Variants in MAML1 observed in about 807,000 individuals in gnomAD.
MAML1 encodes the protein mastermind like transcriptional coactivator 1.
A neutral mutation model predicts 77.1 loss-of-function variants in MAML1; 14 were observed. That is an observed-to-expected ratio of 0.18 (90% CI 0.12 to 0.28). MAML1 has a LOEUF of 0.28. Among genes scored for constraint, MAML1 ranks in the 10% least tolerant of loss-of-function variants. The probability of loss-of-function intolerance (pLI) is 1.00; values close to 1 mark genes in which losing one functional copy is unlikely to be tolerated. For missense variants in MAML1, 1,217 were observed against 1,327.8 expected (o/e 0.92, Z 1.30); for synonymous variants, 516 against 551.9 (o/e 0.93, Z 0.91).
rs1379016967 is a variant in MAML1 at position 179,776,001 on chromosome 5, G to C, written c.*1124G>C. 1.0e-6 allele frequency: 1 copy of C among 985,788 alleles called. No individual in the cohort carries two copies. Among genetic ancestry groups the C allele is most frequent in the Non-Finnish European group, 1.2e-6 (1 of 829,936 alleles). The allele number at this position is 985,788 out of a possible 1,614,324, so 61.1% of individuals were successfully genotyped here. On this transcript the variant is annotated 3_prime_UTR_variant, in exon 5 of 5. Transcript: ENST00000292599. ...CTGCCACTCCCATGTCAGATGACTT[G>C]CACTTCTTAAAGAGATTGCTTTATA...
At chr5:179,749,689 A>G (rs1027033240) in intron 1 of MAML1, among the ~76,000 whole-genome samples, 1 of 152,250 alleles carries the variant, frequency 6.6e-6, no homozygotes, top group Non-Finnish European at 1.5e-5. Flanking sequence ...AGCCCAACAC[A>G]GTAGACATGG....
At chr5:179,751,477 G>C (rs1324766667) in intron 1 of MAML1, among the ~76,000 whole-genome samples, 2 of 152,176 alleles carry the variant, frequency 1.3e-5, no homozygotes, top group Non-Finnish European at 2.9e-5. Flanking sequence ...GGGAGGCCAA[G>C]GCGGGCGGAT....
chr5:179,765,873 C>T lies in MAML1; in HGVS notation c.863C>T (p.Thr288Ile), dbSNP rs748600395. The T allele has an allele frequency of 1.2e-6, 2 of 1,614,194 alleles. No individual in the cohort carries two copies. The highest frequency in any genetic ancestry group is 1.7e-6 in the Non-Finnish European group (2 of 1,180,040). Residue 288 changes from threonine (T) to isoleucine (I), a missense_variant, in exon 2 of 5, where the codon ACA becomes ATA. Coordinates refer to ENST00000292599, the MANE Select transcript of MAML1 (RefSeq NM_014757.5). ...KKDPESSGSATQTPLAQDINI... is the reference protein window; with the variant it reads ...KKDPESSGSAIQTPLAQDINI... ...GACCCAGAGTCTTCTGGCTCTGCCA[C>T]ACAAACCCCCTTGGCACAGGACATT...
rs374712697 is a variant in MAML1 at position 179,772,778 on chromosome 5, AC to A, written c.2069-1111del. Among the ~76,000 whole-genome samples the A allele has an allele frequency of 4.0e-4, 61 of 151,074 alleles. 1 individual carries two copies. In the South Asian group the frequency reaches 0.012, roughly 31 times the overall value. ...TGTTGTCACACAGTTCTGCACCTCC[AC>A]CCCCCATTCCCACATGGTCTGCCCT... On this transcript the variant is annotated intron_variant, in intron 4 of 4. Coordinates refer to ENST00000292599, the MANE Select transcript of MAML1 (RefSeq NM_014757.5).
At chr5:179,762,182 C>T (rs957152529) in intron 1 of MAML1, among the ~76,000 whole-genome samples, 2 of 152,092 alleles carry the variant, frequency 1.3e-5, no homozygotes, top group African/African-American at 2.4e-5. Context: ...GGGAGTGCAG[C>T]GGTGGGTGGT....
chr5:179,763,852 C>G (rs1419619702), intron 1 of MAML1, among the ~76,000 whole-genome samples: 1 of 136,782 alleles, frequency 7.3e-6, no homozygotes, highest in East Asian at 2.1e-4. Context: ...TTACTTGGAA[C>G]ATTTTCTAAT....
At chr5:179,749,949 A>G (rs760695212) in intron 1 of MAML1, among the ~76,000 whole-genome samples, 2 of 152,188 alleles carry the variant, frequency 1.3e-5, no homozygotes, top group African/African-American at 4.8e-5. Flanking sequence ...GTGTTTCCCA[A>G]AACTCCAAGA....
At chr5:179,754,793 T>G (rs1779579703) in intron 1 of MAML1, among the ~76,000 whole-genome samples, 1 of 152,122 alleles carries the variant, frequency 6.6e-6, no homozygotes, top group African/African-American at 2.4e-5. Context: ...GTGATGCTGA[T>G]GCTACTGGCC....
intron 1 of MAML1, among the ~76,000 whole-genome samples, chr5:179,756,248 A>T (rs1779613186): frequency 6.7e-6 from 1 of 149,538 alleles, no homozygotes; most frequent in Non-Finnish European, 1.5e-5. Context: ...ACACGGTGAA[A>T]CCCCATCTCT....
intron 2 of MAML1, among the ~76,000 whole-genome samples, chr5:179,767,567 T>C (rs1421741198): frequency 6.6e-6 from 1 of 152,200 alleles, no homozygotes; most frequent in East Asian, 1.9e-4. Context: ...AGATATTCAT[T>C]GTGTGGTTAT....
Position 179,774,034 on chromosome 5 carries a change from C to G in MAML1, c.2208C>G (p.Gly736=). 6.2e-7 allele frequency: 1 copy of G among 1,614,204 alleles called. No homozygotes were observed. The highest frequency in any genetic ancestry group is 1.1e-5 in the South Asian group (1 of 91,090). The change falls in exon 5 of 5, where the codon GGC becomes GGG. Residue 736 remains glycine, a synonymous_variant. Coordinates refer to ENST00000292599, the MANE Select transcript of MAML1 (RefSeq NM_014757.5). The stretch of plus-strand genomic sequence containing the variant: ...TTTCCTCTCTCCCCACAAACTCAGG[C>G]CAACAGGACCGGGGTGTGGCTCAGT... The part of the protein sequence containing the change: ...ASVSSLPTNS[G]QQDRGVAQFP...
chr5:179,762,030 G>T (rs931312014), intron 1 of MAML1, among the ~76,000 whole-genome samples: 1 of 152,164 alleles, frequency 6.6e-6, no homozygotes, highest in Non-Finnish European at 1.5e-5. Flanking sequence ...GATGAGTAGG[G>T]CTAGAAAGGG....
chr5:179,765,696 C>G lies in MAML1; in HGVS notation c.686C>G (p.Thr229Ser). The G allele has an allele frequency of 6.2e-7, 1 of 1,614,140 alleles. No individual in the cohort carries two copies. The highest frequency in any genetic ancestry group is 8.5e-7 in the Non-Finnish European group (1 of 1,179,978). Residue 229 changes from threonine (T) to serine (S), a missense_variant, in exon 2 of 5, where the codon ACT becomes AGT. By Grantham distance (58) the Thr-to-Ser change is moderately conservative (BLOSUM62 1). Transcript: ENST00000292599. ...GTCGAAGACCTGCCTTGCATGATCACTGGGACTGTCGGCTCCATATCGCAA... is the reference window on the plus strand; with the variant it reads ...GTCGAAGACCTGCCTTGCATGATCAGTGGGACTGTCGGCTCCATATCGCAA... ...EPVEDLPCMI[T>S]GTVGSISQSN...
At position 179,775,016 on chromosome 5, in the gene MAML1, T is replaced by C. The variant is rs961982742; in HGVS notation, c.*139T>C. ...TAGAGCCCAAGCTCCAGGTGAGGCC[T>C]GGCCCTGGGCAGGGTCTGTGGCTGC... is the stretch of plus-strand genomic sequence containing the variant. On this transcript the variant is annotated 3_prime_UTR_variant, in exon 5 of 5. Coordinates refer to ENST00000292599, the MANE Select transcript of MAML1 (RefSeq NM_014757.5). 6.8e-6 allele frequency: 10 copies of C among 1,462,980 alleles called. No homozygotes were observed. In the African/African-American group the frequency reaches 1.3e-4, roughly 19 times the overall value. The allele number at this position is 1,462,980 out of a possible 1,614,324, so 90.6% of individuals were successfully genotyped here.
chr5:179,753,610 G>C (rs1278136501), intron 1 of MAML1, among the ~76,000 whole-genome samples: 1 of 151,668 alleles, frequency 6.6e-6, no homozygotes, highest in Non-Finnish European at 1.5e-5. Flanking sequence ...AGATGAATCG[G>C]GGGGGAGAAG....
In MAML1 at chr5:179,737,351, A is replaced by C. The variant is rs143008909; in HGVS notation, c.315+3924A>C. 2.8e-4 allele frequency among the ~76,000 whole-genome samples: 42 copies of C among 152,326 alleles called. No homozygotes were observed. In the East Asian group the frequency reaches 7.1e-3, roughly 26 times the overall value. On this transcript the variant is annotated intron_variant, in intron 1 of 4. Coordinates refer to ENST00000292599, the MANE Select transcript of MAML1 (RefSeq NM_014757.5). ...CTTGGAATGGGGTCATCGGAACAGAAGATAAGTATCATTAAGAAAACAGTG... is the reference window on the plus strand; with the variant it reads ...CTTGGAATGGGGTCATCGGAACAGACGATAAGTATCATTAAGAAAACAGTG...
chr5:179,762,754 A>G (rs141626085), intron 1 of MAML1, among the ~76,000 whole-genome samples: 8 of 152,250 alleles, frequency 5.3e-5, no homozygotes, highest in Non-Finnish European at 8.8e-5. Flanking sequence ...AGGCTCACTC[A>G]TCCTTGCCCT....
rs745827930 is a variant in MAML1 at position 179,774,588 on chromosome 5, C to T, written c.2762C>T (p.Pro921Leu). 6.2e-7 allele frequency: 1 copy of T among 1,612,496 alleles called. No individual in the cohort carries two copies. Among genetic ancestry groups the T allele is most frequent in the South Asian group, 1.1e-5 (1 of 91,046 alleles). ...AGCGCCCCTGCCCCAGCACCACCCC[C>T]AACAGCCCCTCAGCAGGGCTTGCCT... Reference protein sequence around the residue: ...RTSAPAPAPPPTAPQQGLPGL... With the variant: ...RTSAPAPAPPLTAPQQGLPGL... Residue 921 changes from proline (P) to leucine (L), a missense_variant, in exon 5 of 5, where the codon CCA becomes CTA. Physicochemically the swap from Pro to Leu is moderately conservative, Grantham distance 98. Coordinates refer to ENST00000292599, the MANE Select transcript of MAML1 (RefSeq NM_014757.5).
chr5:179,742,256 A>G (rs1368056806), intron 1 of MAML1, among the ~76,000 whole-genome samples: 1 of 151,476 alleles, frequency 6.6e-6, no homozygotes, highest in Non-Finnish European at 1.5e-5. Context: ...TGGGAGGCCA[A>G]GGCGGGTGGA....
Sources: allele counts gnomAD v4.1 joint callset (sites outside exome capture counted in the v4.1 genomes callset), GRCh38; gene constraint gnomAD v4.1.1; transcripts MANE v1.5; gene names NCBI Gene and HGNC (gene_info 2026-07-23, HGNC 2026-07-21).